Variants in GRIN2B observed in about 807,000 individuals in gnomAD.
The protein encoded by GRIN2B is glutamate receptor ionotropic, NMDA 2B.
In GRIN2B, 5 loss-of-function variants were observed where a neutral mutation model predicts 114.5. That is an observed-to-expected ratio of 0.04 (90% CI 0.02 to 0.09). The LOEUF (loss-of-function observed/expected upper bound fraction) is 0.09, where lower values mean the gene tolerates loss of function less well. Ranked by LOEUF, GRIN2B falls within the 10% of genes least tolerant of loss-of-function variation. The pLI, the probability that GRIN2B is intolerant of heterozygous loss-of-function variation, is 1.00. For missense variants in GRIN2B, 1,108 were observed against 1,943.5 expected (o/e 0.57, Z 8.08); for synonymous variants, 787 against 745.1 (o/e 1.06, Z -0.92).
chr12:13,640,772 G>A (rs1949707641), intron 5 of GRIN2B, among the ~76,000 whole-genome samples: 1 of 152,096 alleles, frequency 6.6e-6, no homozygotes, highest in Non-Finnish European at 1.5e-5. Flanking sequence ...TGTACCTGCA[G>A]GAACCAAAAT....
At chr12:13,766,514 T>C in intron 3 of GRIN2B, among the ~76,000 whole-genome samples, 1 of 152,200 alleles carries the variant, frequency 6.6e-6, no homozygotes, top group African/African-American at 2.4e-5. Context: ...TGTCCTCAGG[T>C]GGACAATGAG....
At chr12:13,632,639 G>A (rs943269060) in intron 5 of GRIN2B, among the ~76,000 whole-genome samples, 7 of 152,196 alleles carry the variant, frequency 4.6e-5, no homozygotes, top group African/African-American at 1.7e-4. Flanking sequence ...TTGTGTCCCA[G>A]GGTGAATGGA....
intron 2 of GRIN2B, among the ~76,000 whole-genome samples, chr12:13,912,778 T>C (rs1017916514): frequency 3.3e-5 from 5 of 151,344 alleles, no homozygotes; most frequent in African/African-American, 1.2e-4. Context: ...TTCGGGGGAG[T>C]GAATGCATGT....
chr12:13,675,639 C>T (rs189493774), intron 5 of GRIN2B, 106 bp downstream of exon 5: 1 of 771,704 alleles, frequency 1.3e-6, no homozygotes, highest in Admixed American at 1.8e-5. Flanking sequence ...ATCCCTTGCT[C>T]CACAGGTCTA....
At chr12:13,663,262 C>T (rs972956789) in intron 5 of GRIN2B, among the ~76,000 whole-genome samples, 3 of 152,162 alleles carry the variant, frequency 2.0e-5, no homozygotes, top group African/African-American at 7.2e-5. Context: ...GACATTAAAC[C>T]ACTTTCCCTT....
intron 2 of GRIN2B, among the ~76,000 whole-genome samples, chr12:13,907,182 T>A (rs1168239945): frequency 2.0e-5 from 3 of 152,132 alleles, no homozygotes; most frequent in Non-Finnish European, 4.4e-5. Flanking sequence ...ATCTCATAGG[T>A]AAGATGCTAA....
intron 5 of GRIN2B, among the ~76,000 whole-genome samples, chr12:13,642,949 T>C (rs1480287716): frequency 6.6e-6 from 1 of 152,146 alleles, no homozygotes; most frequent in Non-Finnish European, 1.5e-5. Context: ...ACCTAGCTTA[T>C]TCTTCAAACT....
chr12:13,725,379 A>C (rs375411207), intron 4 of GRIN2B, among the ~76,000 whole-genome samples: 2 of 152,074 alleles, frequency 1.3e-5, no homozygotes, highest in East Asian at 3.9e-4. Context: ...GCAGGACTGT[A>C]TTTGGTGAGT....
At chr12:13,744,918 C>A (rs1245854734) in intron 4 of GRIN2B, among the ~76,000 whole-genome samples, 1 of 152,176 alleles carries the variant, frequency 6.6e-6, no homozygotes, top group Admixed American at 6.5e-5. Flanking sequence ...CGTGCCCTAT[C>A]TACAGTGCTG....
chr12:13,569,649 T>C (rs1446757979), intron 12 of GRIN2B, among the ~76,000 whole-genome samples, 181 bp downstream of exon 12: 20 of 152,214 alleles, frequency 1.3e-4, no homozygotes, highest in Non-Finnish European at 1.5e-5. Flanking sequence ...AGGCACTCAG[T>C]GCATGGCACT....
At chr12:13,633,649 T>C (rs139418711) in intron 5 of GRIN2B, among the ~76,000 whole-genome samples, 7 of 152,334 alleles carry the variant, frequency 4.6e-5, no homozygotes, top group African/African-American at 1.4e-4. Context: ...CAAACTAATA[T>C]ATTCCTGACT....
intron 2 of GRIN2B, among the ~76,000 whole-genome samples, chr12:13,912,507 C>T (rs1176336755): frequency 6.6e-6 from 1 of 152,140 alleles, no homozygotes; most frequent in Non-Finnish European, 1.5e-5. Context: ...GGAGTATGGC[C>T]GGTCTAAGAG....
At position 13,562,678 on chromosome 12, in the gene GRIN2B, A is replaced by G; in HGVS notation, c.*105T>C. ...CATAAATAAATTAAAACAAGAAAGG[A>G]GCAAATGGGAACCAAGTTCACCCCC... On this transcript the variant is annotated 3_prime_UTR_variant, in exon 14 of 14. Coordinates refer to ENST00000609686, the MANE Select transcript of GRIN2B (RefSeq NM_000834.5). The G allele has an allele frequency of 1.0e-6, 1 of 970,518 alleles. No individual in the cohort carries two copies. Among genetic ancestry groups the G allele is most frequent in the Admixed American group, 1.7e-5 (1 of 57,886 alleles). The allele number at this position is 970,518 out of a possible 1,614,324, so 60.1% of individuals were successfully genotyped here. A position where few individuals can be genotyped will look rare whatever the true frequency, so the allele number is the denominator to read the frequency against.
intron 2 of GRIN2B, among the ~76,000 whole-genome samples, chr12:13,934,913 C>T (rs1158389696): frequency 6.6e-6 from 1 of 152,200 alleles, no homozygotes; most frequent in Non-Finnish European, 1.5e-5. Context: ...TGCTCTGGTA[C>T]TCTTCTAGGT....
chr12:13,871,380 T>TA (rs71067734), intron 2 of GRIN2B, among the ~76,000 whole-genome samples: 14,463 of 143,754 alleles, frequency 0.1, 834 homozygotes, highest in South Asian at 0.17. Context: ...TCCAAAATCT[T>TA]AAAAAAAAAA....
intron 4 of GRIN2B, among the ~76,000 whole-genome samples, chr12:13,727,403 TTCATTTTA>T (rs79355435): frequency 0.08 from 12,204 of 152,182 alleles, 612 homozygotes; most frequent in East Asian, 0.19. Flanking sequence ...ACAAAGGATG[TTCATTTTA>T]TCAAGGCTGT....
intron 10 of GRIN2B, among the ~76,000 whole-genome samples, chr12:13,603,742 G>A (rs1263026278): frequency 6.6e-6 from 1 of 152,010 alleles, no homozygotes; most frequent in Non-Finnish European, 1.5e-5. Flanking sequence ...GTGGGGGCAG[G>A]GGTGTCAATT....
At chr12:13,810,857 A>G (rs1864716857) in intron 3 of GRIN2B, among the ~76,000 whole-genome samples, 1 of 152,246 alleles carries the variant, frequency 6.6e-6, no homozygotes, top group South Asian at 2.1e-4. Flanking sequence ...CTCGTACTGT[A>G]TCAGAAGAGG....
At chr12:13,971,542 G>A (rs575078114) in intron 2 of GRIN2B, among the ~76,000 whole-genome samples, 122 of 152,178 alleles carry the variant, frequency 8.0e-4, no homozygotes, top group Middle Eastern at 3.4e-3. Flanking sequence ...TGAGAGGGAG[G>A]GCAACAGGGC....
Sources: gnomAD v4.1 joint callset for allele counts (sites outside exome capture counted in the v4.1 genomes callset) on GRCh38, gnomAD v4.1.1 for gene constraint, MANE v1.5 for transcripts, NCBI Gene and HGNC (gene_info 2026-07-23, HGNC 2026-07-21) for gene names.